SOX5: variants seen among roughly 807,000 people sequenced by gnomAD.
SOX5 encodes SRY-box transcription factor 5, also known as transcription factor SOX-5.
SOX5 carries 9 observed loss-of-function variants against 92.0 expected under a neutral mutation model. The observed-to-expected ratio is 0.10, with a 90% CI of 0.06 to 0.17. The LOEUF is 0.17. SOX5 is among the 10% of genes least tolerant of loss of function. The pLI, the probability that SOX5 is intolerant of heterozygous loss-of-function variation, is 1.00. For synonymous variants in SOX5, 344 were observed against 336.3 expected (o/e 1.02, Z -0.25); for missense variants, 642 against 944.5 (o/e 0.68, Z 4.20).
chr12:24,284,744 T>G (rs1945647646), intron 2 of SOX5, among the ~76,000 whole-genome samples: 1 of 152,174 alleles, frequency 6.6e-6, no homozygotes, highest in Admixed American at 6.5e-5. Context: ...GTGGTAGCAA[T>G]TTTTTGCTGT....
intron 1 of SOX5, among the ~76,000 whole-genome samples, chr12:23,906,984 T>C (rs983081073): frequency 6.6e-6 from 1 of 151,744 alleles, no homozygotes; most frequent in Non-Finnish European, 1.5e-5. Context: ...CCATTCTCAA[T>C]ATCTCTAATA....
At chr12:23,878,991 A>T (rs559986106) in intron 2 of SOX5, among the ~76,000 whole-genome samples, 1 of 151,986 alleles carries the variant, frequency 6.6e-6, no homozygotes, top group African/African-American at 2.4e-5. Context: ...TCTCCTGTTT[A>T]TTTTTTGACA....
intron 3 of SOX5, among the ~76,000 whole-genome samples, chr12:23,786,957 A>G (rs1255739432): frequency 6.9e-6 from 1 of 145,790 alleles, no homozygotes; most frequent in Non-Finnish European, 1.5e-5. Context: ...CTGTGATCAC[A>G]GTTGGAGAAC....
intron 3 of SOX5, among the ~76,000 whole-genome samples, chr12:24,264,093 A>G (rs1942664523): frequency 6.6e-6 from 1 of 152,220 alleles, no homozygotes; most frequent in Non-Finnish European, 1.5e-5. Context: ...TTTAAATAAC[A>G]ATACTCTTAA....
At chr12:23,616,853 C>A (rs570890811) in intron 8 of SOX5, among the ~76,000 whole-genome samples, 8 of 152,270 alleles carry the variant, frequency 5.3e-5, no homozygotes, top group Non-Finnish European at 7.4e-5. Context: ...TCTGCTGAGG[C>A]TCAAGCCTGT....
Position 24,056,892 on chromosome 12 carries a change from G to A in SOX5, c.-2+156451C>T, listed in dbSNP as rs1273519133. The stretch of plus-strand genomic sequence containing the variant: ...TGGAAGGCTGAGGCAGGAGAATGGC[G>A]TGAACCCGGGAGGCGGAGCTTGCAG... On this transcript the variant is annotated intron_variant, in intron 4 of 4. Coordinates refer to the SOX5 transcript ENST00000446891. Among the ~76,000 whole-genome samples the A allele has an allele frequency of 2.1e-5, 3 of 142,768 alleles. No homozygotes were observed. In the East Asian group the frequency reaches 6.1e-4, roughly 29 times the overall value. The allele number at this position is 142,768 out of a possible 152,430, so 93.7% of individuals were successfully genotyped here. A position where few individuals can be genotyped will look rare whatever the true frequency, so the allele number is the denominator to read the frequency against.
intron 1 of SOX5, chr12:23,920,026 T>C (rs991475807): frequency 6.6e-6 from 1 of 152,088 alleles, no homozygotes; most frequent in African/African-American, 2.4e-5. Flanking sequence ...CTGTTATATA[T>C]CTCATCTATC....
chr12:23,543,101 G>A, intron 13 of SOX5, 110 bp downstream of exon 13: 2 of 804,060 alleles, frequency 2.5e-6, no homozygotes, highest in South Asian at 2.5e-5. Context: ...TTCTGGATAA[G>A]CAAATAACAC....
intron 2 of SOX5, among the ~76,000 whole-genome samples, chr12:24,320,617 G>A (rs2140898444): frequency 6.6e-6 from 1 of 152,176 alleles, no homozygotes; most frequent in East Asian, 1.9e-4. Flanking sequence ...TGTAATACCA[G>A]CACTTTGGGA....
chr12:23,918,714 T>A (rs2097445751), intron 1 of SOX5, among the ~76,000 whole-genome samples: 1 of 151,464 alleles, frequency 6.6e-6, no homozygotes. Flanking sequence ...TCACTTGAGG[T>A]CAGGAGATTG....
At chr12:24,244,781 C>T (rs930777592) in intron 3 of SOX5, among the ~76,000 whole-genome samples, 1 of 152,212 alleles carries the variant, frequency 6.6e-6, no homozygotes, top group African/African-American at 2.4e-5. Flanking sequence ...CAACCTCCGC[C>T]TCCTGAGTTC....
rs1221821458 is a variant in SOX5 at position 23,593,125 on chromosome 12, T to A, written c.1164+11262A>T. On this transcript the variant is annotated intron_variant, in intron 9 of 14. Transcript: ENST00000451604. ...TAAATTACTGTTTCCTTAAAAAAAA[T>A]AGTTTTTCTAAATTTCAAATAGGTA... Among the ~76,000 whole-genome samples, 9 of 152,090 alleles carry A rather than the reference T, an allele frequency of 5.9e-5. No individual in the cohort carries two copies. In the East Asian group the frequency reaches 1.2e-3, roughly 20 times the overall value.
intron 1 of SOX5, among the ~76,000 whole-genome samples, chr12:23,911,227 C>G (rs1053291981): frequency 6.6e-6 from 1 of 151,954 alleles, no homozygotes; most frequent in African/African-American, 2.4e-5. Context: ...ACTTAACTTT[C>G]CAGAAATACA....
chr12:23,672,333 C>G (rs2084928934), intron 6 of SOX5, among the ~76,000 whole-genome samples: 1 of 152,136 alleles, frequency 6.6e-6, no homozygotes, highest in Non-Finnish European at 1.5e-5. Flanking sequence ...CAAAATATTG[C>G]ATTGAAGAAC....
rs1698894161 is a variant in SOX5, at chr12:23,530,162, AC to A, written c.*4056del. ...GTGGCCTTCATAGTTTTCCTTGCAGACCCCGTAAGTTTTATTTTATTATTAA... is the reference window on the plus strand; with the variant it reads ...GTGGCCTTCATAGTTTTCCTTGCAGACCCGTAAGTTTTATTTTATTATTAA... On this transcript the variant is annotated 3_prime_UTR_variant, in exon 15 of 15. Transcript: ENST00000451604. The A allele has an allele frequency of 6.6e-6, 1 of 152,152 alleles. No homozygotes were observed. The highest frequency in any genetic ancestry group is 6.5e-5 in the Admixed American group (1 of 15,272). The allele number at this position is 152,152 out of a possible 1,614,324, so 9.4% of individuals were successfully genotyped here.
chr12:23,840,720 T>C (rs2096502617), intron 3 of SOX5, among the ~76,000 whole-genome samples: 1 of 152,090 alleles, frequency 6.6e-6, no homozygotes, highest in African/African-American at 2.4e-5. Flanking sequence ...AAAAGGCAAG[T>C]CAACGAAGAA....
intron 2 of SOX5, among the ~76,000 whole-genome samples, chr12:23,860,991 A>G (rs1414057115): frequency 6.7e-6 from 1 of 149,968 alleles, no homozygotes; most frequent in Admixed American, 6.6e-5. Flanking sequence ...CTGCCAACAT[A>G]GAAATAATAA....
chr12:23,566,240 C>T (rs1309775561), intron 10 of SOX5, among the ~76,000 whole-genome samples: 1 of 152,120 alleles, frequency 6.6e-6, no homozygotes, highest in South Asian at 2.1e-4. Context: ...CTTCTTTAAC[C>T]TTGTTTTGCC....
At chr12:24,537,560 A>G (rs1307611722) in intron 1 of SOX5, among the ~76,000 whole-genome samples, 2 of 152,260 alleles carry the variant, frequency 1.3e-5, no homozygotes, top group African/African-American at 4.8e-5. Context: ...CCTCAGGGTC[A>G]GGCCAGCAGA....
Sources: allele counts gnomAD v4.1 joint callset (sites outside exome capture counted in the v4.1 genomes callset), GRCh38; gene constraint gnomAD v4.1.1; transcripts MANE v1.5; gene names NCBI Gene and HGNC (gene_info 2026-07-23, HGNC 2026-07-21).